Variants in TMCC3 observed in about 807,000 individuals in gnomAD.
TMCC3 encodes transmembrane and coiled-coil domain protein 3.
Under a neutral mutation model 40.2 loss-of-function variants are expected in TMCC3, and 28 were observed. That is an observed-to-expected ratio of 0.70 (90% confidence interval 0.52 to 0.95). The LOEUF is 0.95. Ranked by LOEUF, TMCC3 falls within the 40% of genes least tolerant of loss-of-function variation. The pLI is 0.00. For synonymous variants in TMCC3, 255 were observed against 248.5 expected (o/e 1.03, Z -0.25); for missense variants, 554 against 615.2 (o/e 0.90, Z 1.05).
chr12:94,650,508 C>G lies in TMCC3; in HGVS notation c.-78G>C, dbSNP rs1414770536. ...GCCACCGGCTGTGCTCGGGATCACC[C>G]TGGGAGCCGCGGGCGAGGGGGCGGC... is the stretch of plus-strand genomic sequence containing the variant. On this transcript the variant is annotated 5_prime_UTR_variant, in exon 1 of 4. Coordinates refer to ENST00000261226, the MANE Select transcript of TMCC3 (RefSeq NM_020698.4). The G allele has an allele frequency of 8.8e-7, 1 of 1,137,888 alleles. No homozygotes were observed. The highest frequency in any genetic ancestry group is 1.6e-5 in the African/African-American group (1 of 61,632). 70.5% of individuals were successfully genotyped at this position (1,137,888 alleles called of 1,614,324 possible).
intron 1 of TMCC3, among the ~76,000 whole-genome samples, chr12:94,606,701 C>T (rs867665715): frequency 6.6e-5 from 10 of 152,056 alleles, no homozygotes; most frequent in Middle Eastern, 6.8e-3. Context: ...TTGGTAGGAC[C>T]GTGATGACCC....
intron 1 of TMCC3, among the ~76,000 whole-genome samples, chr12:94,607,014 T>C (rs1430359817): frequency 6.6e-6 from 1 of 152,200 alleles, no homozygotes; most frequent in Non-Finnish European, 1.5e-5. Flanking sequence ...AGTCCTTATC[T>C]AAATTGCATA....
intron 1 of TMCC3, among the ~76,000 whole-genome samples, chr12:94,612,015 T>C (rs2068819134): frequency 6.6e-6 from 1 of 152,228 alleles, no homozygotes; most frequent in Non-Finnish European, 1.5e-5. Context: ...TGTTTGTTTT[T>C]TGAGACAGTG....
intron 3 of TMCC3, among the ~76,000 whole-genome samples, chr12:94,577,544 T>C (rs902115369): frequency 6.6e-6 from 1 of 152,148 alleles, no homozygotes; most frequent in Non-Finnish European, 1.5e-5. Flanking sequence ...ACAACTGATA[T>C]GACAGACGTG....
chr12:94,624,819 T>G (rs1450007873), intron 1 of TMCC3, among the ~76,000 whole-genome samples: 1 of 151,734 alleles, frequency 6.6e-6, no homozygotes, highest in Non-Finnish European at 1.5e-5. Flanking sequence ...GAATAACTGC[T>G]AAGGGTATCT....
intron 3 of TMCC3, among the ~76,000 whole-genome samples, chr12:94,575,604 C>A (rs1238407477): frequency 1.3e-5 from 2 of 152,190 alleles, no homozygotes. Flanking sequence ...ATGAACCTCT[C>A]TGGATTTTTA....
At chr12:94,612,477 A>T (rs751539204) in intron 1 of TMCC3, among the ~76,000 whole-genome samples, 2 of 150,006 alleles carry the variant, frequency 1.3e-5, no homozygotes, top group Admixed American at 6.7e-5. Flanking sequence ...CACTCGGCTA[A>T]TTTTTTGTAT....
chr12:94,612,202 G>A (rs1566328042), intron 1 of TMCC3, among the ~76,000 whole-genome samples: 1 of 152,160 alleles, frequency 6.6e-6, no homozygotes, highest in Non-Finnish European at 1.5e-5. Flanking sequence ...GTTTCACCAT[G>A]TTGACCAGGC....
At chr12:94,626,503 G>GA (rs1215474293) in intron 1 of TMCC3, among the ~76,000 whole-genome samples, 1 of 151,960 alleles carries the variant, frequency 6.6e-6, no homozygotes, top group Admixed American at 6.5e-5. Context: ...GAACCCTGGG[G>GA]AAAAAAAGTC....
chr12:94,649,048 T>C (rs2069036949), intron 1 of TMCC3, among the ~76,000 whole-genome samples: 1 of 152,196 alleles, frequency 6.6e-6, no homozygotes, highest in African/African-American at 2.4e-5. Context: ...AGCAAACTGT[T>C]ACGAAACTTA....
chr12:94,636,120 C>T (rs1033532913), intron 1 of TMCC3, among the ~76,000 whole-genome samples: 1 of 152,158 alleles, frequency 6.6e-6, no homozygotes, highest in East Asian at 1.9e-4. Flanking sequence ...AAAAACAAAA[C>T]TTGATACATA....
chr12:94,638,829 G>A (rs1203715305), intron 1 of TMCC3, among the ~76,000 whole-genome samples: 3 of 152,194 alleles, frequency 2.0e-5, no homozygotes, highest in African/African-American at 7.2e-5. Flanking sequence ...GAACACACTG[G>A]AGTAAATATA....
intron 1 of TMCC3, among the ~76,000 whole-genome samples, chr12:94,599,562 C>T (rs547052186): frequency 2.2e-5 from 3 of 135,556 alleles, no homozygotes; most frequent in African/African-American, 5.3e-5. Flanking sequence ...AGATACCCCC[C>T]CCCCCGCCCA....
chr12:94,591,821 T>C lies in TMCC3; in HGVS notation c.79-9283A>G, dbSNP rs181388572. Among the ~76,000 whole-genome samples the C allele has an allele frequency of 1.2e-4, 19 of 152,286 alleles. No homozygotes were observed. The East Asian group carries it at 3.1e-3, about 25-fold the overall frequency. On this transcript the variant is annotated intron_variant, in intron 1 of 3. Coordinates refer to ENST00000261226, the MANE Select transcript of TMCC3 (RefSeq NM_020698.4). ...CTAGCCCATCTCCCTCTTGCTATCC[T>C]GGGGTCACACTTGACATGCACTTGC...
chr12:94,604,230 T>C (rs1210874453), intron 1 of TMCC3, among the ~76,000 whole-genome samples: 1 of 152,198 alleles, frequency 6.6e-6, no homozygotes, highest in Admixed American at 6.5e-5. Flanking sequence ...TAATAGTCAT[T>C]TAGAAAGCCA....
chr12:94,604,708 G>C (rs553611172), intron 1 of TMCC3, among the ~76,000 whole-genome samples: 2 of 149,620 alleles, frequency 1.3e-5, no homozygotes, highest in East Asian at 3.9e-4. Context: ...AGAGGCTGAG[G>C]TGGGAGGATT....
intron 1 of TMCC3, among the ~76,000 whole-genome samples, chr12:94,620,297 T>TA (rs941716731): frequency 1.2e-4 from 18 of 151,138 alleles, no homozygotes; most frequent in Non-Finnish European, 1.9e-4. Flanking sequence ...TAATTATTAT[T>TA]TTTTTTTTGA....
In TMCC3 at chr12:94,650,419, G is replaced by A. The variant is rs1177896335; in HGVS notation, c.12C>T (p.Ser4=). Residue 4 remains serine (S), a synonymous_variant, in exon 1 of 4, where the codon AGC becomes AGT. Coordinates refer to ENST00000261226, the MANE Select transcript of TMCC3 (RefSeq NM_020698.4). The part of the protein sequence containing the change: MPG[S]DTALTVDRTY... ...TCCGGTCCACGGTGAGCGCCGTGTC[G>A]CTGCCCGGCATCTCCGCGCTCCGGC... is the stretch of plus-strand genomic sequence containing the variant. 2 of 1,302,698 alleles carry A rather than the reference G, an allele frequency of 1.5e-6. No individual in the cohort carries two copies. Among genetic ancestry groups the A allele is most frequent in the African/African-American group, 1.5e-5 (1 of 64,600 alleles). 80.7% of individuals were successfully genotyped at this position (1,302,698 alleles called of 1,614,324 possible). A position where few individuals can be genotyped will look rare whatever the true frequency, so the allele number is the denominator to read the frequency against.
intron 3 of TMCC3, 135 bp from the exon 4 acceptor site, chr12:94,571,872 G>T: frequency 1.3e-6 from 1 of 767,420 alleles, no homozygotes; most frequent in Non-Finnish European, 2.1e-6. Flanking sequence ...CCAAACCGAT[G>T]ATGATGGTGA....
Sources: gnomAD v4.1 joint callset for allele counts (sites outside exome capture counted in the v4.1 genomes callset) on GRCh38, gnomAD v4.1.1 for gene constraint, MANE v1.5 for transcripts, NCBI Gene and HGNC (gene_info 2026-07-23, HGNC 2026-07-21) for gene names.